The following SCAPER variants were observed in gnomAD, a reference collection of about 807,000 sequenced individuals.
SCAPER encodes S-phase cyclin A associated protein in the ER.
In SCAPER, 98 loss-of-function variants were observed where a neutral mutation model predicts 182.2. The observed-to-expected ratio is 0.54, with a 90% CI of 0.46 to 0.64. The LOEUF (loss-of-function observed/expected upper bound fraction) is 0.64. Ranked by LOEUF, SCAPER falls within the 30% of genes least tolerant of loss-of-function variation. The probability of loss-of-function intolerance (pLI) is 0.00; values close to 1 mark genes in which losing one functional copy is unlikely to be tolerated. For synonymous variants in SCAPER, 605 were observed against 564.6 expected, an observed-to-expected ratio of 1.07 and a Z score of -1.01; for missense variants, 1,432 against 1,690.0, an observed-to-expected ratio of 0.85 and a Z score of 2.68.
intron 17 of SCAPER, among the ~76,000 whole-genome samples, chr15:76,723,557 T>C (rs1052775817): frequency 7.4e-4 from 113 of 152,324 alleles, no homozygotes; most frequent in Non-Finnish European, 1.4e-3. Context: ...TATTATTGTG[T>C]GGAAGTCTAA....
intron 21 of SCAPER, among the ~76,000 whole-genome samples, chr15:76,630,192 C>A (rs1230334093): frequency 6.6e-6 from 1 of 151,866 alleles, no homozygotes; most frequent in Non-Finnish European, 1.5e-5. Context: ...TCTCTATTTT[C>A]TTCTTTATTA....
At position 76,893,943 on chromosome 15, in the gene SCAPER, AC is replaced by A. The variant is rs35180234; in HGVS notation, c.-59-10068del. On this transcript the variant is annotated intron_variant, in intron 1 of 31. Coordinates refer to ENST00000563290, the MANE Select transcript of SCAPER (RefSeq NM_020843.4). ...AGTTCTAAGAGGCAAGTTTATAGTG[AC>A]AAAAGCCTACATAAAGACAGACAGG... is the stretch of plus-strand genomic sequence containing the variant. 6.4e-3 allele frequency among the ~76,000 whole-genome samples: 969 copies of A among 152,310 alleles called. 8 individuals are homozygous for A. The highest frequency in any genetic ancestry group is 9.6e-3 in the Non-Finnish European group (652 of 68,010).
intron 24 of SCAPER, among the ~76,000 whole-genome samples, chr15:76,500,069 T>C (rs2040958022): frequency 6.6e-6 from 1 of 152,218 alleles, no homozygotes; most frequent in African/African-American, 2.4e-5. Context: ...AGGTAGGTAT[T>C]AGTCTTCCCA....
rs146171402 is a variant in SCAPER, at chr15:76,641,794, G to A, written c.2646-19965C>T. Among the ~76,000 whole-genome samples, 483 of 152,282 alleles carry A rather than the reference G, an allele frequency of 3.2e-3. 5 individuals are homozygous for A. The highest frequency in any genetic ancestry group is 0.011 in the African/African-American group (461 of 41,558). On this transcript the variant is annotated intron_variant, in intron 21 of 31. Coordinates refer to ENST00000563290, the MANE Select transcript of SCAPER (RefSeq NM_020843.4). ...AGATGCAGCATGATAAAACTGGAGA[G>A]TTAGGCAAGAAAGAAGGACAAGGAA...
intron 4 of SCAPER, among the ~76,000 whole-genome samples, chr15:76,847,087 C>G (rs1484530007): frequency 6.6e-5 from 10 of 151,960 alleles, no homozygotes; most frequent in Admixed American, 6.6e-4. Flanking sequence ...ATGAAATAAG[C>G]CAGGCACAGA....
chr15:76,701,095 T>TA (rs5813845), intron 20 of SCAPER, among the ~76,000 whole-genome samples: 116,573 of 143,616 alleles, frequency 0.81, 47,650 homozygotes, highest in Middle Eastern at 0.9. Context: ...ATGCCATACC[T>TA]AAAAAAAAAA....
intron 30 of SCAPER, 43 bp from the exon 31 acceptor site, chr15:76,351,331 CAGAG>C: frequency 6.5e-7 from 1 of 1,544,028 alleles, no homozygotes; most frequent in Non-Finnish European, 8.8e-7. Context: ...ATGCTATGAA[CAGAG>C]AATTTCACTA....
intron 25 of SCAPER, among the ~76,000 whole-genome samples, chr15:76,467,861 A>G (rs1285435897): frequency 3.3e-5 from 5 of 152,166 alleles, no homozygotes; most frequent in African/African-American, 4.8e-5. Flanking sequence ...ATGAAATACA[A>G]GAGTGCCAAA....
intron 29 of SCAPER, among the ~76,000 whole-genome samples, chr15:76,371,826 G>A (rs1180677308): frequency 6.6e-6 from 1 of 151,854 alleles, no homozygotes; most frequent in Non-Finnish European, 1.5e-5. Flanking sequence ...GCTGAGGCAG[G>A]AGAATCGCTT....
chr15:76,699,068 ATGT>A (rs1276506124), intron 20 of SCAPER, among the ~76,000 whole-genome samples: 1 of 151,988 alleles, frequency 6.6e-6, no homozygotes, highest in East Asian at 1.9e-4. Flanking sequence ...CTCAGCTTTG[ATGT>A]TGTTGCTGTG....
chr15:76,739,052 C>T (rs1476995604), intron 15 of SCAPER, among the ~76,000 whole-genome samples: 1 of 152,112 alleles, frequency 6.6e-6, no homozygotes, highest in Non-Finnish European at 1.5e-5. Flanking sequence ...AGTAGAATAA[C>T]TATTGCACAG....
At chr15:76,524,424 A>G (rs2043034588) in intron 23 of SCAPER, among the ~76,000 whole-genome samples, 12 of 152,138 alleles carry the variant, frequency 7.9e-5, no homozygotes, top group Admixed American at 7.9e-4. Context: ...AGAGAAGATC[A>G]TTACTTCTGG....
chr15:76,776,952 T>A (rs755100574), intron 8 of SCAPER, among the ~76,000 whole-genome samples: 3 of 152,126 alleles, frequency 2.0e-5, no homozygotes, highest in Non-Finnish European at 4.4e-5. Flanking sequence ...TTCCTAAATT[T>A]AGTGAAACAG....
At chr15:76,769,862 C>A (rs1350004088) in intron 10 of SCAPER, among the ~76,000 whole-genome samples, 1 of 151,996 alleles carries the variant, frequency 6.6e-6, no homozygotes, top group Admixed American at 6.5e-5. Context: ...GGGCATATAC[C>A]CAAAGGATTA....
At chr15:76,680,194 C>T (rs570831152) in intron 20 of SCAPER, among the ~76,000 whole-genome samples, 1 of 152,148 alleles carries the variant, frequency 6.6e-6, no homozygotes, top group South Asian at 2.1e-4. Context: ...AGGGTGTCAG[C>T]AGCTTCATCA....
intron 27 of SCAPER, among the ~76,000 whole-genome samples, chr15:76,394,360 G>A (rs574600743): frequency 6.6e-6 from 1 of 152,302 alleles, no homozygotes; most frequent in South Asian, 2.1e-4. Context: ...ATTCAAACCT[G>A]ACTGGAAGAC....
rs188493819 is a variant in SCAPER at position 76,538,770 on chromosome 15, G to A, written c.2839-33796C>T. On this transcript the variant is annotated intron_variant, in intron 23 of 31. Coordinates refer to ENST00000563290, the MANE Select transcript of SCAPER (RefSeq NM_020843.4). Reference sequence around the variant, plus strand: ...TAAAATGCTTTATCGATCATGCCTAGTTTTAGCAAGGATATGTAGAAATGG... The same window carrying A: ...TAAAATGCTTTATCGATCATGCCTAATTTTAGCAAGGATATGTAGAAATGG... Among the ~76,000 whole-genome samples the A allele has an allele frequency of 2.0e-3, 304 of 152,152 alleles. 2 individuals carry two copies. The highest frequency in any genetic ancestry group is 3.4e-3 in the Non-Finnish European group (231 of 68,008).
Position 76,471,220 on chromosome 15 carries a change from G to C in SCAPER, c.3070C>G (p.Gln1024Glu), listed in dbSNP as rs372454824. The C allele has an allele frequency of 2.5e-6, 4 of 1,605,816 alleles. No individual in the cohort carries two copies. In the African/African-American group the frequency reaches 5.4e-5, roughly 22 times the overall value. The change falls in exon 25 of 32, where the codon CAG becomes GAG. Residue 1024 changes from glutamine to glutamate, a missense_variant. By Grantham distance (29) the Gln-to-Glu change is conservative (BLOSUM62 2). Around this residue, in one of 5 missense-constraint regions of SCAPER, gnomAD observed 718 missense variants for 799.7 expected, o/e 0.90. Transcript: ENST00000563290. The part of the protein sequence containing the change: ...ITFLMDLLIH[Q>E]LTVYVPDENN... ...GCAATAATATTACATACCGTCAACT[G>C]GTGTATCAGGAGGTCCATTAAGAAG... is the stretch of plus-strand genomic sequence containing the variant.
At chr15:76,411,976 A>G (rs1236047692) in intron 26 of SCAPER, among the ~76,000 whole-genome samples, 6 of 152,134 alleles carry the variant, frequency 3.9e-5, no homozygotes, top group African/African-American at 1.4e-4. Flanking sequence ...CCCCCATTCC[A>G]TGACCGCAAA....
Sources: allele counts gnomAD v4.1 joint callset (sites outside exome capture counted in the v4.1 genomes callset), GRCh38; gene constraint gnomAD v4.1.1; regional missense constraint gnomAD v4.1.1; transcripts MANE v1.5; gene names NCBI Gene and HGNC (gene_info 2026-07-23, HGNC 2026-07-21).